The following SLC7A2 variants were observed in gnomAD, a reference collection of about 807,000 sequenced individuals.
SLC7A2 encodes solute carrier family 7 member 2.
In SLC7A2, 48 loss-of-function variants were observed where a neutral mutation model predicts 58.9. The ratio of observed to expected loss-of-function variants is 0.82; its 90% CI spans 0.65 to 1.04. SLC7A2 has a LOEUF of 1.04. Ranked by LOEUF, SLC7A2 falls within the 50% of genes least tolerant of loss-of-function variation. The probability of loss-of-function intolerance (pLI) is 0.00; values close to 1 mark genes in which losing one functional copy is unlikely to be tolerated. For synonymous variants in SLC7A2, 363 were observed against 314.5 expected (o/e 1.15, Z -1.63); for missense variants, 1,029 against 818.8 (o/e 1.26, Z -3.13).
chr8:17,527,630 T>C (rs1563450557), intron 2 of SLC7A2, among the ~76,000 whole-genome samples: 1 of 152,148 alleles, frequency 6.6e-6, no homozygotes, highest in African/African-American at 2.4e-5. Flanking sequence ...TAGCTTCTGG[T>C]TGTGGCCATC....
intron 2 of SLC7A2, among the ~76,000 whole-genome samples, chr8:17,528,984 G>T (rs1016888293): frequency 6.6e-6 from 1 of 152,020 alleles, no homozygotes; most frequent in Admixed American, 6.6e-5. Context: ...GATGAGAGGG[G>T]ACCAGTTTCC....
chr8:17,506,999 C>T (rs1800393394), intron 2 of SLC7A2, among the ~76,000 whole-genome samples: 1 of 147,926 alleles, frequency 6.8e-6, no homozygotes. Flanking sequence ...GGCTGGAGTG[C>T]AATGGTGCAA....
Position 17,497,126 on chromosome 8 carries a change from G to C in SLC7A2, c.-180G>C, listed in dbSNP as rs1274462928. ...GCGGCCGGCGGGCGCTCCTCTTCGC[G>C]GGACCAGCGAGGCGGCGGCCGCTGC... On this transcript the variant is annotated 5_prime_UTR_variant, in exon 1 of 13. Coordinates refer to ENST00000494857, the MANE Select transcript of SLC7A2 (RefSeq NM_001370338.1). The C allele has an allele frequency of 4.0e-5, 6 of 151,408 alleles. No homozygotes were observed. In the South Asian group the frequency reaches 8.3e-4, roughly 21 times the overall value. 9.4% of individuals were successfully genotyped at this position (151,408 alleles called of 1,614,324 possible).
intron 6 of SLC7A2, among the ~76,000 whole-genome samples, chr8:17,551,004 T>A (rs1033303173): frequency 6.6e-6 from 1 of 152,208 alleles, no homozygotes. Flanking sequence ...AAATTGAAAT[T>A]AGAACTTTGT....
intron 2 of SLC7A2, among the ~76,000 whole-genome samples, chr8:17,512,955 A>G (rs905167801): frequency 9.8e-5 from 15 of 152,296 alleles, no homozygotes; most frequent in Admixed American, 8.5e-4. Flanking sequence ...GTGTTGCAGC[A>G]TGTGTCAGAA....
chr8:17,518,315 T>C (rs1164132238), intron 2 of SLC7A2, among the ~76,000 whole-genome samples: 2 of 152,142 alleles, frequency 1.3e-5, no homozygotes, highest in African/African-American at 2.4e-5. Flanking sequence ...TTAAGCTAGA[T>C]GATGTCATCA....
chr8:17,547,061 G>A (rs541785908), intron 4 of SLC7A2, among the ~76,000 whole-genome samples: 83 of 152,002 alleles, frequency 5.5e-4, no homozygotes, highest in Non-Finnish European at 2.5e-4. Flanking sequence ...CAGGTAGAGA[G>A]CTTATGGCAT....
intron 2 of SLC7A2, among the ~76,000 whole-genome samples, chr8:17,529,959 C>G (rs780517421): frequency 3.9e-5 from 6 of 152,170 alleles, no homozygotes; most frequent in Non-Finnish European, 7.3e-5. Context: ...GTAGCAAAAA[C>G]TACGATTACT....
At chr8:17,545,299 G>A (rs560184754) in intron 4 of SLC7A2, among the ~76,000 whole-genome samples, 2 of 150,908 alleles carry the variant, frequency 1.3e-5, no homozygotes, top group African/African-American at 4.9e-5. Flanking sequence ...TAGCCTTCTC[G>A]TTTGGTTCCT....
intron 8 of SLC7A2, among the ~76,000 whole-genome samples, chr8:17,556,521 A>G (rs1802710740): frequency 6.6e-6 from 1 of 151,964 alleles, no homozygotes; most frequent in Non-Finnish European, 1.5e-5. Context: ...TGGACAACTT[A>G]TCATTTTCTT....
chr8:17,545,465 C>G (rs74815865), intron 4 of SLC7A2, among the ~76,000 whole-genome samples: 6,553 of 125,180 alleles, frequency 0.052, 279 homozygotes, highest in African/African-American at 0.12. Flanking sequence ...GGCTGGAGTA[C>G]AGTGGTACTG....
intron 2 of SLC7A2, among the ~76,000 whole-genome samples, chr8:17,505,366 G>A (rs1211010349): frequency 6.6e-6 from 1 of 152,166 alleles, no homozygotes; most frequent in Admixed American, 6.5e-5. Context: ...TGCTGAAGAA[G>A]ACCGCTTATG....
Position 17,550,366 on chromosome 8 carries a change from C to T in SLC7A2, c.764C>T (p.Thr255Met), listed in dbSNP as rs138338525. The change falls in exon 6 of 13, where the codon ACG becomes ATG. Residue 255 changes from threonine to methionine, a missense_variant. Physicochemically the swap from Thr to Met is moderately conservative, Grantham distance 81. Coordinates refer to ENST00000494857, the MANE Select transcript of SLC7A2 (RefSeq NM_001370338.1). ...GAGGFMPYGFTGTLAGAATCF... is the reference protein window; with the variant it reads ...GAGGFMPYGFMGTLAGAATCF... ...GGTGGCTTTATGCCTTATGGCTTTA[C>T]GGGAACGTTGGCTGGTGCTGCAACT... 3.1e-4 allele frequency: 505 copies of T among 1,613,850 alleles called. No homozygotes were observed. Among genetic ancestry groups the T allele is most frequent in the Admixed American group, 5.2e-4 (31 of 59,976 alleles).
In SLC7A2 at chr8:17,543,361, C is replaced by T. The variant is rs1333235008; in HGVS notation, c.22C>T (p.Leu8=). 1.2e-6 allele frequency: 2 copies of T among 1,613,854 alleles called. No individual in the cohort carries two copies. Among genetic ancestry groups the T allele is most frequent in the Middle Eastern group, 1.6e-4 (1 of 6,078 alleles). The change falls in exon 3 of 13, where the codon CTG becomes TTG. Residue 8 remains leucine, a synonymous_variant. Transcript: ENST00000494857. MIPCRAA[L]TFARCLIRRK... The stretch of plus-strand genomic sequence containing the variant: ...CAGAATGATTCCTTGCAGAGCCGCG[C>T]TGACCTTTGCCCGATGTCTGATCCG...
intron 2 of SLC7A2, among the ~76,000 whole-genome samples, chr8:17,540,610 G>A (rs945853092): frequency 3.3e-5 from 5 of 152,088 alleles, no homozygotes; most frequent in African/African-American, 7.2e-5. Context: ...AATCTGGAGT[G>A]AATTAAATTC....
intron 10 of SLC7A2, among the ~76,000 whole-genome samples, chr8:17,560,736 C>G (rs1368858747): frequency 2.6e-5 from 4 of 151,976 alleles, no homozygotes; most frequent in Non-Finnish European, 5.9e-5. Flanking sequence ...GATAATTGAA[C>G]AAAAGAGGAA....
chr8:17,560,211 G>T (rs755298966), intron 9 of SLC7A2, 117 bp from the exon 10 acceptor site: 343 of 723,822 alleles, frequency 4.7e-4, no homozygotes, highest in South Asian at 3.1e-4. Flanking sequence ...CATAAGTGTT[G>T]ATTTACTCTA....
chr8:17,519,473 T>G (rs573035981), intron 2 of SLC7A2, among the ~76,000 whole-genome samples: 7 of 152,346 alleles, frequency 4.6e-5, no homozygotes, highest in Admixed American at 4.6e-4. Context: ...TCCATATTTC[T>G]GTCGCCATTT....
chr8:17,526,125 A>G (rs1251884423), intron 2 of SLC7A2, among the ~76,000 whole-genome samples: 1 of 152,198 alleles, frequency 6.6e-6, no homozygotes, highest in Non-Finnish European at 1.5e-5. Context: ...GAAAAGACAA[A>G]TACAATCAAA....
Sources: allele counts gnomAD v4.1 joint callset (sites outside exome capture counted in the v4.1 genomes callset), GRCh38; gene constraint gnomAD v4.1.1; transcripts MANE v1.5; gene names NCBI Gene and HGNC (gene_info 2026-07-23, HGNC 2026-07-21).